Variants in KCNQ1 observed in about 807,000 individuals in gnomAD.
KCNQ1 encodes potassium voltage-gated channel subfamily Q member 1.
In KCNQ1, 49 loss-of-function variants were observed where a neutral mutation model predicts 72.4. The observed-to-expected ratio is 0.68, with a 90% CI of 0.54 to 0.86. The LOEUF is 0.86. Ranked by LOEUF, KCNQ1 falls within the 40% of genes least tolerant of loss-of-function variation. The pLI, the probability that KCNQ1 is intolerant of heterozygous loss-of-function variation, is 0.00. For synonymous variants in KCNQ1, 450 were observed against 412.6 expected (o/e 1.09, Z -1.10); for missense variants, 790 against 945.1 (o/e 0.84, Z 2.15).
intron 15 of KCNQ1, among the ~76,000 whole-genome samples, chr11:2,841,784 G>A (rs1303561619): frequency 1.3e-5 from 2 of 152,228 alleles, no homozygotes; most frequent in Non-Finnish European, 2.9e-5. Flanking sequence ...GCGCCCCTGA[G>A]GCCCTTGGGG....
At chr11:2,577,717 C>G (rs181357668) in intron 6 of KCNQ1, among the ~76,000 whole-genome samples, 1 of 152,192 alleles carries the variant, frequency 6.6e-6, no homozygotes, top group Non-Finnish European at 1.5e-5. Context: ...GTGGCGTCAG[C>G]CCCTTTATGG....
rs906606214 is a variant in KCNQ1, at chr11:2,603,851, C to T, written c.1393+14997C>T. On this transcript the variant is annotated intron_variant, in intron 10 of 15. Transcript: ENST00000155840. The surrounding 1 kb of genome is among the most constrained non-coding windows in gnomAD (Gnocchi z 4.1). ...GATTACGGGCACGCACCACCAAGCC[C>T]GGCTAATTTTTGTATTTTTAGTAGT... 3.3e-5 allele frequency among the ~76,000 whole-genome samples: 5 copies of T among 151,974 alleles called. No individual in the cohort carries two copies. Among genetic ancestry groups the T allele is most frequent in the South Asian group, 2.1e-4 (1 of 4,812 alleles).
rs1847144670 is a variant in KCNQ1 at position 2,508,629 on chromosome 11, G to C, written c.387-19299G>C. Reference sequence around the variant, plus strand: ...CCCAGACTAGCAGGTGGGCTTCTCAGAGCACAGAGGGTGTGGGTGACCCAG... The same window carrying C: ...CCCAGACTAGCAGGTGGGCTTCTCACAGCACAGAGGGTGTGGGTGACCCAG... On this transcript the variant is annotated intron_variant, in intron 1 of 15. Transcript: ENST00000155840. This position sits in a 1 kb window ranked among gnomAD's most constrained non-coding sequence, Gnocchi z 6.2. Among the ~76,000 whole-genome samples the C allele has an allele frequency of 6.6e-6, 1 of 152,178 alleles. No homozygotes were observed. Among genetic ancestry groups the C allele is most frequent in the African/African-American group, 2.4e-5 (1 of 41,440 alleles).
intron 1 of KCNQ1, among the ~76,000 whole-genome samples, chr11:2,499,452 C>T (rs999109231): frequency 2.0e-5 from 3 of 151,260 alleles, no homozygotes; most frequent in South Asian, 2.1e-4. Context: ...TGAGTCCTTA[C>T]GTATCAATAA....
At chr11:2,733,894 C>T (rs2133944258) in intron 11 of KCNQ1, among the ~76,000 whole-genome samples, 2 of 146,200 alleles carry the variant, frequency 1.4e-5, no homozygotes, top group Middle Eastern at 6.8e-3. Context: ...CGCTGTTCCC[C>T]TGCCCTGCCA....
intron 1 of KCNQ1, among the ~76,000 whole-genome samples, chr11:2,469,610 A>G (rs1285177062): frequency 6.6e-6 from 1 of 151,624 alleles, no homozygotes; most frequent in Non-Finnish European, 1.5e-5. Context: ...CAAGTCCTCT[A>G]TCAGATACCT....
At chr11:2,699,221 C>T (rs1179459614) in intron 11 of KCNQ1, 9 of 398,672 alleles carry the variant, frequency 2.3e-5, no homozygotes, top group Non-Finnish European at 3.1e-5. Flanking sequence ...ACTCGGACCT[C>T]GACCCTGGCC....
rs1009848950 is a variant in KCNQ1, at chr11:2,642,352, A to T, written c.1394-19609A>T. ...CCTCTTTGGTTAAACTCATTCCTAG[A>T]TTTTTTGTAGTGGTTGTAAAAGATA... On this transcript the variant is annotated intron_variant, in intron 10 of 15. Coordinates refer to ENST00000155840, the MANE Select transcript of KCNQ1 (RefSeq NM_000218.3). This position sits in a 1 kb window ranked among gnomAD's most constrained non-coding sequence, Gnocchi z 4.3. The T allele has an allele frequency of 1.3e-5, 5 of 397,880 alleles. No individual in the cohort carries two copies. Among genetic ancestry groups the T allele is most frequent in the Non-Finnish European group, 1.8e-5 (4 of 225,772 alleles). 24.6% of individuals were successfully genotyped at this position (397,880 alleles called of 1,614,324 possible).
In KCNQ1 at chr11:2,679,558, G is replaced by A. The variant is rs200060829; in HGVS notation, c.1514+17477G>A. The stretch of plus-strand genomic sequence containing the variant: ...TGGCCATTCCATCCATTGTAATCAT[G>A]TGTACCATGCAATTCACAGTGCCTG... On this transcript the variant is annotated intron_variant, in intron 11 of 15. Coordinates refer to ENST00000155840, the MANE Select transcript of KCNQ1 (RefSeq NM_000218.3). The surrounding 1 kb of genome is among the most constrained non-coding windows in gnomAD (Gnocchi z 4.8). 2.5e-5 allele frequency: 10 copies of A among 398,604 alleles called. No homozygotes were observed. The highest frequency in any genetic ancestry group is 6.2e-5 in the African/African-American group (3 of 48,726). 24.7% of individuals were successfully genotyped at this position (398,604 alleles called of 1,614,324 possible). A position where few individuals can be genotyped will look rare whatever the true frequency, so the allele number is the denominator to read the frequency against.
chr11:2,841,359 G>T (rs943628970), intron 15 of KCNQ1, among the ~76,000 whole-genome samples: 2 of 152,196 alleles, frequency 1.3e-5, no homozygotes, highest in African/African-American at 4.8e-5. Context: ...TGGGAGGGAA[G>T]GCTCAGCCTG....
Position 2,478,907 on chromosome 11 carries a change from G to A in KCNQ1, c.386+33423G>A, listed in dbSNP as rs188600065. On this transcript the variant is annotated intron_variant, in intron 1 of 15. Transcript: ENST00000155840. This position sits in a 1 kb window ranked among gnomAD's most constrained non-coding sequence, Gnocchi z 4.0. ...AATTCCTAGACACAATTAGGGTACA[G>A]GCCTTGGATAAATACACCCATTTGA... 2.0e-3 allele frequency among the ~76,000 whole-genome samples: 307 copies of A among 152,350 alleles called. 1 individual carries two copies. Among genetic ancestry groups the A allele is most frequent in the Non-Finnish European group, 3.2e-3 (220 of 68,036 alleles).
intron 1 of KCNQ1, among the ~76,000 whole-genome samples, chr11:2,513,947 G>A (rs1301521137): frequency 6.6e-6 from 1 of 152,160 alleles, no homozygotes; most frequent in Non-Finnish European, 1.5e-5. Context: ...TGTGTGCATG[G>A]GGCCTGTCCC....
rs574996370 is a variant in KCNQ1, at chr11:2,630,607, G to A, written c.1394-31354G>A. The A allele has an allele frequency of 5.8e-5, 23 of 398,274 alleles. No individual in the cohort carries two copies. The Middle Eastern group carries it at 1.9e-3, about 33-fold the overall frequency. 24.7% of individuals were successfully genotyped at this position (398,274 alleles called of 1,614,324 possible). A position where few individuals can be genotyped will look rare whatever the true frequency, so the allele number is the denominator to read the frequency against. On this transcript the variant is annotated intron_variant, in intron 10 of 15. Transcript: ENST00000155840. The stretch of plus-strand genomic sequence containing the variant: ...CTTTTAACCTTTATACTAGAGTTAT[G>A]TGATTTATATACTACCATTACACTA...
intron 1 of KCNQ1, among the ~76,000 whole-genome samples, chr11:2,523,195 TTAA>T (rs1213290169): frequency 4.0e-5 from 6 of 150,750 alleles, no homozygotes; most frequent in African/African-American, 1.5e-4. Flanking sequence ...TTAATTTAAT[TTAA>T]TTTTTTTTTT....
intron 15 of KCNQ1, among the ~76,000 whole-genome samples, chr11:2,833,259 G>A (rs770940702): frequency 6.6e-6 from 1 of 152,182 alleles, no homozygotes; most frequent in Non-Finnish European, 1.5e-5. Context: ...TTCCCTGAGG[G>A]ACGGGAGGCC....
intron 1 of KCNQ1, among the ~76,000 whole-genome samples, chr11:2,467,731 C>G (rs985195542): frequency 6.6e-6 from 1 of 152,200 alleles, no homozygotes; most frequent in African/African-American, 2.4e-5. Context: ...GTGCACACAG[C>G]CAGCAGGCGT....
chr11:2,698,495 C>T lies in KCNQ1; in HGVS notation c.1514+36414C>T. ...CAATATGACCAAGAGACTTCTACCA[C>T]TACCTCTCACCTGGCAGGTGATCAC... On this transcript the variant is annotated intron_variant, in intron 11 of 15. Coordinates refer to ENST00000155840, the MANE Select transcript of KCNQ1 (RefSeq NM_000218.3). The surrounding 1 kb of genome is among the most constrained non-coding windows in gnomAD (Gnocchi z 5.1). The T allele has an allele frequency of 2.5e-6, 1 of 398,632 alleles. No individual in the cohort carries two copies. Among genetic ancestry groups the T allele is most frequent in the East Asian group, 3.6e-5 (1 of 28,080 alleles). 24.7% of individuals were successfully genotyped at this position (398,632 alleles called of 1,614,324 possible).
Position 2,498,968 on chromosome 11 carries a change from G to C in KCNQ1, c.387-28960G>C, listed in dbSNP as rs191514140. On this transcript the variant is annotated intron_variant, in intron 1 of 15. Coordinates refer to ENST00000155840, the MANE Select transcript of KCNQ1 (RefSeq NM_000218.3). The surrounding 1 kb of genome is among the most constrained non-coding windows in gnomAD (Gnocchi z 4.8). The stretch of plus-strand genomic sequence containing the variant: ...CTGCATGTTTGCAGTTCCCTCGGCT[G>C]GGGGAGGGAGGTCTCCCGGCTCCTT... Among the ~76,000 whole-genome samples, 175 of 152,274 alleles carry C rather than the reference G, an allele frequency of 1.1e-3. No individual in the cohort carries two copies. Among genetic ancestry groups the C allele is most frequent in the Non-Finnish European group, 2.1e-3 (142 of 68,012 alleles).
chr11:2,648,628 TGAG>T (rs1849704106), intron 10 of KCNQ1: 1 of 398,464 alleles, frequency 2.5e-6, no homozygotes, highest in South Asian at 1.3e-4. Context: ...CATTGTGGTC[TGAG>T]AAGATACTTG....
Sources: gnomAD v4.1 joint callset for allele counts (sites outside exome capture counted in the v4.1 genomes callset) on GRCh38, gnomAD v4.1.1 for gene constraint, Gnocchi (gnomAD v3.1) non-coding constraint, MANE v1.5 for transcripts, NCBI Gene and HGNC (gene_info 2026-07-23, HGNC 2026-07-21) for gene names.